The following NCS1 variants were observed in gnomAD, a reference collection of about 807,000 sequenced individuals.
The protein encoded by NCS1 is frequenin homolog.
NCS1 carries 6 observed loss-of-function variants against 28.4 expected under a neutral mutation model. The ratio of observed to expected loss-of-function variants is 0.21; its 90% confidence interval spans 0.12 to 0.42. The LOEUF (loss-of-function observed/expected upper bound fraction) is 0.42, where lower values mean the gene tolerates loss of function less well. NCS1 is among the 10% of genes least tolerant of loss of function. The pLI is 1.00. For missense variants in NCS1, 131 were observed against 241.4 expected (o/e 0.54, Z 3.03); for synonymous variants, 86 against 99.3 (o/e 0.87, Z 0.79).
In NCS1 at chr9:130,180,414, A is replaced by G. The variant is rs1832638011; in HGVS notation, c.64+7687A>G. Reference sequence around the variant, plus strand: ...GATATCTCTAGCACTCTGGTAAGAAAAAAAGCCAATATAAATTAAAAAGCA... The same window carrying G: ...GATATCTCTAGCACTCTGGTAAGAAGAAAAGCCAATATAAATTAAAAAGCA... On this transcript the variant is annotated intron_variant, in intron 1 of 7. Coordinates refer to ENST00000372398, the MANE Select transcript of NCS1 (RefSeq NM_014286.4). This position sits in a 1 kb window ranked among gnomAD's most constrained non-coding sequence, Gnocchi z 4.5. 6.6e-6 allele frequency among the ~76,000 whole-genome samples: 1 copy of G among 152,210 alleles called. No homozygotes were observed. The highest frequency in any genetic ancestry group is 6.5e-5 in the Admixed American group (1 of 15,278).
At position 130,192,018 on chromosome 9, in the gene NCS1, G is replaced by A. The variant is rs572843058; in HGVS notation, c.65-8940G>A. On this transcript the variant is annotated intron_variant, in intron 1 of 7. Coordinates refer to ENST00000372398, the MANE Select transcript of NCS1 (RefSeq NM_014286.4). The surrounding 1 kb of genome is among the most constrained non-coding windows in gnomAD (Gnocchi z 4.8). Reference sequence around the variant, plus strand: ...GGTCAGGGCGAGGGGCTCCTGCAGCGGCTTTGCTCAGCCAGGAGTGCCCGG... The same window carrying A: ...GGTCAGGGCGAGGGGCTCCTGCAGCAGCTTTGCTCAGCCAGGAGTGCCCGG... Among the ~76,000 whole-genome samples, 34 of 152,166 alleles carry A rather than the reference G, an allele frequency of 2.2e-4. No homozygotes were observed. The highest frequency in any genetic ancestry group is 4.6e-4 in the Non-Finnish European group (31 of 68,034).
At chr9:130,221,413 T>TAGAGAGAGAGAGAG (rs782666520) in intron 4 of NCS1, among the ~76,000 whole-genome samples, 4 of 57,728 alleles carry the variant, frequency 6.9e-5, no homozygotes, top group Admixed American at 5.1e-4. Flanking sequence ...TATATATATA[T>TAGAGAGAGAGAGAG]AGAGAGAGAG....
rs1328236587 is a variant in NCS1 at position 130,186,083 on chromosome 9, G to A, written c.64+13356G>A. ...GCAGAGGGGAGGCCCTGGGTCCTGT[G>A]GGGGGCATGTGTGGCCAAACGGGTT... On this transcript the variant is annotated intron_variant, in intron 1 of 7. Coordinates refer to ENST00000372398, the MANE Select transcript of NCS1 (RefSeq NM_014286.4). The surrounding 1 kb of genome is among the most constrained non-coding windows in gnomAD (Gnocchi z 4.1). Among the ~76,000 whole-genome samples the A allele has an allele frequency of 6.6e-6, 1 of 152,174 alleles. No homozygotes were observed. Among genetic ancestry groups the A allele is most frequent in the Non-Finnish European group, 1.5e-5 (1 of 68,032 alleles).
rs1554905051 is a variant in NCS1 at position 130,180,300 on chromosome 9, C to T, written c.64+7573C>T. Among the ~76,000 whole-genome samples, 1 of 152,116 alleles carries T rather than the reference C, an allele frequency of 6.6e-6. No homozygotes were observed. Among genetic ancestry groups the T allele is most frequent in the African/African-American group, 2.4e-5 (1 of 41,426 alleles). ...GCACCCACCTTGGCCTCCCAAAGTG[C>T]TGGGATTACAGGCGTGAGCCACCAC... On this transcript the variant is annotated intron_variant, in intron 1 of 7. Coordinates refer to ENST00000372398, the MANE Select transcript of NCS1 (RefSeq NM_014286.4). This position sits in a 1 kb window ranked among gnomAD's most constrained non-coding sequence, Gnocchi z 4.5.
intron 2 of NCS1, among the ~76,000 whole-genome samples, chr9:130,201,706 A>G (rs1554907483): frequency 6.6e-6 from 1 of 152,116 alleles, no homozygotes; most frequent in East Asian, 1.9e-4. Flanking sequence ...GGCACCCCCC[A>G]GGAGCCTCCA....
chr9:130,183,437 A>G (rs1427047951), intron 1 of NCS1, among the ~76,000 whole-genome samples: 1 of 152,048 alleles, frequency 6.6e-6, no homozygotes, highest in African/African-American at 2.4e-5. Context: ...CTGGCAGGGG[A>G]GCAGGGGGAG....
In NCS1 at chr9:130,177,746, C is replaced by T. The variant is rs1396206349; in HGVS notation, c.64+5019C>T. Reference sequence around the variant, plus strand: ...GCACCAGCTTGCTCATCCTTCAGACCTGCCTTCCAACTCCATGGATCTAAA... The same window carrying T: ...GCACCAGCTTGCTCATCCTTCAGACTTGCCTTCCAACTCCATGGATCTAAA... On this transcript the variant is annotated intron_variant, in intron 1 of 7. Coordinates refer to ENST00000372398, the MANE Select transcript of NCS1 (RefSeq NM_014286.4). This position sits in a 1 kb window ranked among gnomAD's most constrained non-coding sequence, Gnocchi z 4.4. Among the ~76,000 whole-genome samples the T allele has an allele frequency of 6.6e-6, 1 of 152,254 alleles. No homozygotes were observed. The highest frequency in any genetic ancestry group is 1.5e-5 in the Non-Finnish European group (1 of 68,046).
chr9:130,179,654 A>G (rs1197400949), intron 1 of NCS1, among the ~76,000 whole-genome samples: 2 of 152,154 alleles, frequency 1.3e-5, no homozygotes, highest in African/African-American at 4.8e-5. Context: ...GAGAGTGCCT[A>G]TTTCTCTGCA....
intron 3 of NCS1, among the ~76,000 whole-genome samples, chr9:130,218,730 T>C (rs76539058): frequency 0.25 from 37,712 of 151,946 alleles, 5,056 homozygotes; most frequent in Admixed American, 0.33. Context: ...AAGCTGGGAT[T>C]ACAGGCGCCG....
In NCS1 at chr9:130,215,376, G is replaced by C. The variant is rs1833167293; in HGVS notation, c.90-2456G>C. ...AAGGGACTTGAGATCCGTGTGCTTT[G>C]CTTCCTTCTTGCTTGGCCAATCCAA... On this transcript the variant is annotated intron_variant, in intron 2 of 7. Coordinates refer to ENST00000372398, the MANE Select transcript of NCS1 (RefSeq NM_014286.4). This position sits in a 1 kb window ranked among gnomAD's most constrained non-coding sequence, Gnocchi z 4.2. Among the ~76,000 whole-genome samples, 2 of 152,146 alleles carry C rather than the reference G, an allele frequency of 1.3e-5. No individual in the cohort carries two copies. The highest frequency in any genetic ancestry group is 6.5e-5 in the Admixed American group (1 of 15,272).
In NCS1 at chr9:130,216,805, C is replaced by A. The variant is rs943819775; in HGVS notation, c.90-1027C>A. ...GTAAGGTGTGCAGAGTTCCCAGTCG[C>A]GTCAGGCCCTGCAAAGCTAATAGCC... On this transcript the variant is annotated intron_variant, in intron 2 of 7. Coordinates refer to ENST00000372398, the MANE Select transcript of NCS1 (RefSeq NM_014286.4). 5.3e-5 allele frequency among the ~76,000 whole-genome samples: 8 copies of A among 151,218 alleles called. No homozygotes were observed. The East Asian group carries it at 9.8e-4, about 19-fold the overall frequency.
chr9:130,196,698 A>G (rs1413404029), intron 1 of NCS1, among the ~76,000 whole-genome samples: 1 of 151,984 alleles, frequency 6.6e-6, no homozygotes, highest in Non-Finnish European at 1.5e-5. Flanking sequence ...CAGATCAACC[A>G]TTGCACTCTA....
At chr9:130,223,192 A>C in intron 6 of NCS1, 33 bp downstream of exon 6, 1 of 1,586,094 alleles carries the variant, frequency 6.3e-7, no homozygotes, top group Non-Finnish European at 8.7e-7. Flanking sequence ...GTCCTGGACC[A>C]GGGAGGCAAG....
chr9:130,200,631 C>T, intron 1 of NCS1: 10 of 1,551,830 alleles, frequency 6.4e-6, no homozygotes, highest in Non-Finnish European at 8.7e-6. Flanking sequence ...AGATGTTGGC[C>T]TGGGAGCAAG....
At chr9:130,231,268 C>G (rs955064810) in intron 7 of NCS1, among the ~76,000 whole-genome samples, 4 of 151,902 alleles carry the variant, frequency 2.6e-5, no homozygotes, top group Non-Finnish European at 4.4e-5. Context: ...AGGAGGATTG[C>G]TTGAACCAGG....
At chr9:130,227,789 C>T (rs1231245060) in intron 7 of NCS1, among the ~76,000 whole-genome samples, 1 of 152,210 alleles carries the variant, frequency 6.6e-6, no homozygotes, top group African/African-American at 2.4e-5. Flanking sequence ...GAATTTGGCA[C>T]AGTTAAGCTG....
intron 7 of NCS1, among the ~76,000 whole-genome samples, chr9:130,230,506 T>G (rs1488242101): frequency 6.6e-6 from 1 of 151,660 alleles, no homozygotes; most frequent in Non-Finnish European, 1.5e-5. Flanking sequence ...GCCAGAAGTT[T>G]GAGTCCAGCC....
At chr9:130,211,399 T>C (rs2131144712) in intron 2 of NCS1, among the ~76,000 whole-genome samples, 1 of 151,598 alleles carries the variant, frequency 6.6e-6, no homozygotes, top group South Asian at 2.1e-4. Context: ...GCTGAGCACC[T>C]TGAGTCGCCA....
chr9:130,223,415 G>A (rs1358271163), intron 6 of NCS1, among the ~76,000 whole-genome samples: 1 of 151,878 alleles, frequency 6.6e-6, no homozygotes, highest in African/African-American at 2.4e-5. Context: ...GACCCCTTTG[G>A]CATTCTGGAG....
Sources: allele counts gnomAD v4.1 joint callset (sites outside exome capture counted in the v4.1 genomes callset), GRCh38; gene constraint gnomAD v4.1.1; non-coding constraint Gnocchi (gnomAD v3.1); transcripts MANE v1.5; gene names NCBI Gene and HGNC (gene_info 2026-07-23, HGNC 2026-07-21).